The following ZFHX3 variants were observed in gnomAD, a reference collection of about 807,000 sequenced individuals.
ZFHX3 encodes the protein zinc finger homeobox protein 3.
Under a neutral mutation model 279.1 loss-of-function variants are expected in ZFHX3, and 42 were observed. That is an observed-to-expected ratio of 0.15 (90% confidence interval 0.12 to 0.19). The LOEUF (loss-of-function observed/expected upper bound fraction) is 0.19. Among genes scored for constraint, ZFHX3 ranks in the 10% least tolerant of loss-of-function variants. The pLI is 1.00. For synonymous variants in ZFHX3, 2,293 were observed against 1,957.8 expected, an observed-to-expected ratio of 1.17 and a Z score of -4.52; for missense variants, 4,981 against 4,754.0, an observed-to-expected ratio of 1.05 and a Z score of -1.40.
At chr16:73,061,157 G>A (rs1222566167), upstream of ZFHX3, 1 of 152,148 alleles carries the variant, frequency 6.6e-6, no homozygotes, top group Admixed American at 6.5e-5. Flanking sequence ...AGTCCAGCCT[G>A]GCTTGCTACA....
At chr16:73,802,596 C>A (rs1213538292) in intron 1 of ZFHX3, among the ~76,000 whole-genome samples, 2 of 152,172 alleles carry the variant, frequency 1.3e-5, no homozygotes, top group Non-Finnish European at 2.9e-5. Context: ...GGTCGCAGCT[C>A]TGCCTGGGGT....
Position 73,509,902 on chromosome 16 carries a change from G to A in ZFHX3, c.-1546-53644C>T, listed in dbSNP as rs145822164. ...GTAGAGACGAGGTTTCACCATGTTG[G>A]CCAGGCTGGTCTTGAGCTCCTGACT... On this transcript the variant is annotated intron_variant, in intron 2 of 17. Coordinates refer to the ZFHX3 transcript ENST00000641206. 1.2e-4 allele frequency among the ~76,000 whole-genome samples: 19 copies of A among 152,192 alleles called. No individual in the cohort carries two copies. In the East Asian group the frequency reaches 3.7e-3, roughly 30 times the overall value.
At chr16:73,133,675 T>G (rs1053136049) in intron 6 of ZFHX3, among the ~76,000 whole-genome samples, 3 of 152,202 alleles carry the variant, frequency 2.0e-5, no homozygotes, top group African/African-American at 7.2e-5. Context: ...GCCTGCAGAA[T>G]TATGAGAAAA....
chr16:73,675,000 A>T (rs1417192248), intron 2 of ZFHX3, among the ~76,000 whole-genome samples: 4 of 152,154 alleles, frequency 2.6e-5, no homozygotes, highest in Non-Finnish European at 2.9e-5. Flanking sequence ...GTGGTTTGTA[A>T]TGCAGTAAAG....
chr16:73,363,087 G>C (rs902726814), intron 3 of ZFHX3, among the ~76,000 whole-genome samples: 1 of 152,166 alleles, frequency 6.6e-6, no homozygotes, highest in South Asian at 2.1e-4. Context: ...AAGTGACATT[G>C]TGTGAGTCCT....
chr16:73,804,024 G>A (rs957400178), intron 1 of ZFHX3, among the ~76,000 whole-genome samples: 8 of 152,252 alleles, frequency 5.3e-5, no homozygotes, highest in Non-Finnish European at 8.8e-5. Flanking sequence ...GGGAGTGGTG[G>A]CACACATCTG....
At chr16:73,533,221 G>A (rs1462019723) in intron 2 of ZFHX3, among the ~76,000 whole-genome samples, 1 of 151,544 alleles carries the variant, frequency 6.6e-6, no homozygotes, top group Non-Finnish European at 1.5e-5. Flanking sequence ...TTTTTGCGGA[G>A]GGCTTGGCTT....
At chr16:73,101,913 C>CT (rs34658877) in intron 7 of ZFHX3, among the ~76,000 whole-genome samples, 44,096 of 116,396 alleles carry the variant, frequency 0.38, 8,879 homozygotes, top group East Asian at 0.59. Flanking sequence ...ATTCTCACCT[C>CT]TTTTTTTTTT....
At chr16:73,076,716 T>C (rs1432342063) in intron 8 of ZFHX3, among the ~76,000 whole-genome samples, 1 of 147,880 alleles carries the variant, frequency 6.8e-6, no homozygotes, top group Non-Finnish European at 1.5e-5. Context: ...TTCAGAGTTA[T>C]TGTTTCCTCT....
At chr16:73,385,202 C>T (rs2016877754) in intron 3 of ZFHX3, among the ~76,000 whole-genome samples, 1 of 152,134 alleles carries the variant, frequency 6.6e-6, no homozygotes, top group African/African-American at 2.4e-5. Context: ...ATGGGTTTTT[C>T]AGTTATATGA....
chr16:72,966,159 A>G (rs1961826227), intron 1 of ZFHX3, among the ~76,000 whole-genome samples: 1 of 152,198 alleles, frequency 6.6e-6, no homozygotes, highest in Non-Finnish European at 1.5e-5. Context: ...GCTGACTGAA[A>G]TCAACAGCTT....
chr16:73,702,696 G>T lies in ZFHX3; in HGVS notation c.-1607-22456C>A, dbSNP rs937348926. On this transcript the variant is annotated intron_variant, in intron 1 of 17. Coordinates refer to the ZFHX3 transcript ENST00000641206. ...GAGACAGCGCAGAATTCAGGGGTTG[G>T]GTCCCATAGATGATTATAAGGTAGG... 5.3e-5 allele frequency among the ~76,000 whole-genome samples: 8 copies of T among 152,142 alleles called. No individual in the cohort carries two copies. The East Asian group carries it at 1.5e-3, about 29-fold the overall frequency.
chr16:73,448,684 A>ATGTG (rs1567487516), intron 3 of ZFHX3, among the ~76,000 whole-genome samples: 1 of 66,798 alleles, frequency 1.5e-5, no homozygotes, highest in Non-Finnish European at 4.0e-5. Flanking sequence ...ATATTTATAT[A>ATGTG]CGTGTGTGTG....
chr16:73,473,949 T>C (rs538003393), intron 2 of ZFHX3, among the ~76,000 whole-genome samples: 6 of 152,112 alleles, frequency 3.9e-5, no homozygotes, highest in African/African-American at 1.4e-4. Flanking sequence ...GATGACAGCA[T>C]TATTTGCTTG....
intron 5 of ZFHX3, chr16:73,232,007 G>C (rs549716645): frequency 1.3e-5 from 2 of 152,164 alleles, no homozygotes; most frequent in African/African-American, 2.4e-5. Context: ...AAACAAAACA[G>C]TGCTGGCCCG....
At chr16:73,799,735 C>G (rs569827087) in intron 1 of ZFHX3, among the ~76,000 whole-genome samples, 4 of 152,266 alleles carry the variant, frequency 2.6e-5, no homozygotes, top group African/African-American at 9.6e-5. Context: ...ACCCCAAAGG[C>G]GATCTCCTGT....
chr16:73,877,050 AC>A (rs1348960300), intron 1 of ZFHX3, among the ~76,000 whole-genome samples: 27 of 151,482 alleles, frequency 1.8e-4, no homozygotes, highest in Admixed American at 5.3e-4. Context: ...AAAAAAAAAA[AC>A]AACAACAACA....
At chr16:72,805,414 C>T (rs146840451) in intron 7 of ZFHX3, among the ~76,000 whole-genome samples, 16 of 152,170 alleles carry the variant, frequency 1.1e-4, no homozygotes, top group East Asian at 1.9e-4. Flanking sequence ...ATAGATTTGC[C>T]GATACCTAGG....
intron 2 of ZFHX3, among the ~76,000 whole-genome samples, chr16:73,580,397 G>A (rs1010100524): frequency 6.6e-6 from 1 of 151,900 alleles, no homozygotes; most frequent in Admixed American, 6.6e-5. Context: ...AGAATCTCTT[G>A]TACCCAGAAG....
Sources: allele counts gnomAD v4.1 joint callset (sites outside exome capture counted in the v4.1 genomes callset), GRCh38; gene constraint gnomAD v4.1.1; transcripts MANE v1.5; gene names NCBI Gene and HGNC (gene_info 2026-07-23, HGNC 2026-07-21).